ZNF407: variants seen among roughly 807,000 people sequenced by gnomAD.
ZNF407 encodes zinc finger protein 407.
Under a neutral mutation model 131.2 loss-of-function variants are expected in ZNF407, and 17 were observed. The observed-to-expected ratio is 0.13, with a 90% CI of 0.09 to 0.19. The LOEUF is 0.19. ZNF407 is among the 10% of genes least tolerant of loss of function. The probability of loss-of-function intolerance (pLI) is 1.00; values close to 1 mark genes in which losing one functional copy is unlikely to be tolerated. For synonymous variants in ZNF407, 1,156 were observed against 1,062.0 expected (o/e 1.09, Z -1.72); for missense variants, 2,681 against 2,830.6 (o/e 0.95, Z 1.20).
intron 8 of ZNF407, among the ~76,000 whole-genome samples, chr18:75,027,031 AAGC>A (rs1568304996): frequency 6.6e-6 from 1 of 152,214 alleles, no homozygotes; most frequent in Non-Finnish European, 1.5e-5. Flanking sequence ...GAGTCAAAGA[AAGC>A]AGTATGTGGC....
chr18:75,037,064 A>G (rs1258193118), intron 8 of ZNF407, among the ~76,000 whole-genome samples: 1 of 152,228 alleles, frequency 6.6e-6, no homozygotes, highest in Admixed American at 6.5e-5. Context: ...TGTCAAATAC[A>G]CACAGACATC....
chr18:74,713,704 G>A (rs920719168), intron 3 of ZNF407, among the ~76,000 whole-genome samples: 4 of 152,012 alleles, frequency 2.6e-5, no homozygotes, highest in Admixed American at 1.3e-4. Context: ...TTTGTAATAC[G>A]TGTACAAACA....
intron 3 of ZNF407, among the ~76,000 whole-genome samples, chr18:74,705,868 G>A (rs964593756): frequency 7.9e-5 from 12 of 152,298 alleles, no homozygotes; most frequent in Non-Finnish European, 1.5e-4. Flanking sequence ...TGGTTACTAT[G>A]TATAGATCAA....
At chr18:74,727,578 A>T (rs914802988) in intron 3 of ZNF407, among the ~76,000 whole-genome samples, 2 of 152,206 alleles carry the variant, frequency 1.3e-5, no homozygotes, top group African/African-American at 2.4e-5. Flanking sequence ...GAGTAGCTTT[A>T]TGTTAGTGTT....
chr18:74,632,560 A>G lies in ZNF407; in HGVS notation c.1541A>G (p.His514Arg), dbSNP rs777035499. The G allele has an allele frequency of 8.7e-6, 14 of 1,613,920 alleles. No homozygotes were observed. Among genetic ancestry groups the G allele is most frequent in the Non-Finnish European group, 1.1e-5 (13 of 1,179,916 alleles). ...GSARPPDSGL[H>R]SLTVKPASGS... ...GCCCGTCCTCCGGACTCCGGGCTGC[A>G]TTCCCTGACAGTGAAGCCAGCTTCT... The change falls in exon 2 of 9, where the codon CAT becomes CGT. Residue 514 changes from histidine (H) to arginine (R), a missense_variant. Physicochemically the swap from His to Arg is conservative, Grantham distance 29 (BLOSUM62 0). Transcript: ENST00000299687.
chr18:74,988,277 A>G (rs1168451999), intron 8 of ZNF407, among the ~76,000 whole-genome samples: 3 of 152,210 alleles, frequency 2.0e-5, no homozygotes, highest in Non-Finnish European at 4.4e-5. Flanking sequence ...AAGCCTAAAT[A>G]TGAAAGTTAA....
At chr18:74,932,945 C>G (rs1443314377) in intron 8 of ZNF407, among the ~76,000 whole-genome samples, 1 of 152,124 alleles carries the variant, frequency 6.6e-6, no homozygotes, top group Non-Finnish European at 1.5e-5. Flanking sequence ...GCTGCTGAAG[C>G]GAATGTACAA....
intron 3 of ZNF407, among the ~76,000 whole-genome samples, chr18:74,705,884 G>A (rs368412279): frequency 2.0e-5 from 3 of 152,128 alleles, no homozygotes; most frequent in Non-Finnish European, 4.4e-5. Context: ...ATCAAAGAGC[G>A]GTCTACATTG....
intron 3 of ZNF407, among the ~76,000 whole-genome samples, chr18:74,671,010 C>T (rs1277236649): frequency 3.3e-5 from 5 of 152,138 alleles, no homozygotes; most frequent in Admixed American, 2.0e-4. Flanking sequence ...AGTACGTTCC[C>T]ATTATTGTGC....
rs1265273024 is a variant in ZNF407 at position 74,633,415 on chromosome 18, G to A, written c.2396G>A (p.Gly799Asp). ...FDVSGNGRIE[G>D]HIGVQLQEHS... ...GTTTCCGGAAATGGAAGGATTGAAG[G>A]CCATATAGGTGTGCAATTACAAGAG... Residue 799 changes from glycine (G) to aspartate (D), a missense_variant, in exon 2 of 9, where the codon GGC becomes GAC. Transcript: ENST00000299687. 6.2e-7 allele frequency: 1 copy of A among 1,613,964 alleles called. No individual in the cohort carries two copies. Among genetic ancestry groups the A allele is most frequent in the South Asian group, 1.1e-5 (1 of 91,082 alleles).
At position 74,634,504 on chromosome 18, in the gene ZNF407, A is replaced by G. The variant is rs559573366; in HGVS notation, c.3485A>G (p.His1162Arg). The G allele has an allele frequency of 6.2e-6, 10 of 1,613,870 alleles. No homozygotes were observed. The highest frequency in any genetic ancestry group is 2.2e-5 in the South Asian group (2 of 91,086). The change falls in exon 2 of 9, where the codon CAT becomes CGT. Residue 1162 changes from histidine (H) to arginine (R), a missense_variant. Coordinates refer to ENST00000299687, the MANE Select transcript of ZNF407 (RefSeq NM_017757.3). ...GAAGAATCTAATTTCAATGAAGACC[A>G]TTCCTTTTGTGAGACTTTCCAACAG... ...TEEESNFNED[H>R]SFCETFQQAP... is the part of the protein sequence containing the mutation.
At chr18:74,686,481 C>T (rs768116128) in intron 3 of ZNF407, among the ~76,000 whole-genome samples, 3 of 152,158 alleles carry the variant, frequency 2.0e-5, no homozygotes, top group South Asian at 2.1e-4. Context: ...CTGTATTGTC[C>T]TTTCCTGGCC....
intron 8 of ZNF407, among the ~76,000 whole-genome samples, chr18:74,941,785 T>C (rs1017325958): frequency 6.6e-6 from 1 of 151,988 alleles, no homozygotes; most frequent in African/African-American, 2.4e-5. Context: ...GTCTCCAAAA[T>C]AAAGGAAAAA....
At chr18:74,942,217 G>A (rs891339584) in intron 8 of ZNF407, among the ~76,000 whole-genome samples, 5 of 152,224 alleles carry the variant, frequency 3.3e-5, no homozygotes, top group African/African-American at 4.8e-5. Flanking sequence ...CTGCAGCAGG[G>A]AAAGTGGCTT....
chr18:74,598,944 T>C (rs1369679250), intron 1 of ZNF407, among the ~76,000 whole-genome samples: 3 of 152,232 alleles, frequency 2.0e-5, no homozygotes, highest in Admixed American at 6.5e-5. Flanking sequence ...AGAATACTTT[T>C]ATAAGTAATT....
At chr18:75,039,487 T>C (rs1430202419) in intron 8 of ZNF407, among the ~76,000 whole-genome samples, 1 of 152,216 alleles carries the variant, frequency 6.6e-6, no homozygotes, top group Non-Finnish European at 1.5e-5. Flanking sequence ...CTTGTATTAC[T>C]GCACAGTAAC....
chr18:74,615,332 C>A (rs1368005536), intron 1 of ZNF407, among the ~76,000 whole-genome samples: 1 of 152,168 alleles, frequency 6.6e-6, no homozygotes, highest in Non-Finnish European at 1.5e-5. Context: ...TAGTGAAACT[C>A]CATCTCTACT....
intron 3 of ZNF407, among the ~76,000 whole-genome samples, chr18:74,777,980 G>A (rs1969509591): frequency 1.3e-5 from 2 of 152,170 alleles, no homozygotes; most frequent in East Asian, 1.9e-4. Context: ...TACTGGGAAA[G>A]CTAAGGTGTG....
chr18:74,889,737 A>G (rs1209799790), intron 6 of ZNF407, among the ~76,000 whole-genome samples, 181 bp from the exon 7 acceptor site: 1 of 152,208 alleles, frequency 6.6e-6, no homozygotes, highest in Non-Finnish European at 1.5e-5. Context: ...AATCAATGAT[A>G]TCTTCTAATT....
Sources: allele counts gnomAD v4.1 joint callset (sites outside exome capture counted in the v4.1 genomes callset), GRCh38; gene constraint gnomAD v4.1.1; transcripts MANE v1.5; gene names NCBI Gene and HGNC (gene_info 2026-07-23, HGNC 2026-07-21).